EML4: variants seen among roughly 807,000 people sequenced by gnomAD.
EML4 encodes the protein EMAP like 4, also known as echinoderm microtubule-associated protein-like 4.
A neutral mutation model predicts 129.0 loss-of-function variants in EML4; 72 were observed. That is an observed-to-expected ratio of 0.56 (90% CI 0.46 to 0.68). The LOEUF (loss-of-function observed/expected upper bound fraction) is 0.68, where lower values mean the gene tolerates loss of function less well. Ranked by LOEUF, EML4 falls within the 30% of genes least tolerant of loss-of-function variation. The pLI is 0.00. For missense variants in EML4, 1,363 were observed against 1,190.6 expected, an observed-to-expected ratio of 1.14 and a Z score of -2.13; for synonymous variants, 532 against 405.0, an observed-to-expected ratio of 1.31 and a Z score of -3.77.
Position 42,295,459 on chromosome 2 carries a change from G to A in EML4, c.1432G>A (p.Val478Ile), listed in dbSNP as rs775762337. 6.8e-6 allele frequency: 11 copies of A among 1,613,880 alleles called. No homozygotes were observed. The highest frequency in any genetic ancestry group is 9.3e-6 in the Non-Finnish European group (11 of 1,179,898). ...TGTTCTTACTGGAGACTCAGGTGGA[G>A]TCATGCTTATATGGAGCAAAACTAC... ...GDVLTGDSGG[V>I]MLIWSKTTVE... The change falls in exon 13 of 23, where the codon GTC (valine) becomes ATC (isoleucine). Residue 478 changes from valine to isoleucine, a missense_variant. Coordinates refer to ENST00000318522, the MANE Select transcript of EML4 (RefSeq NM_019063.5).
At chr2:42,176,904 C>T (rs1310725058) in intron 1 of EML4, among the ~76,000 whole-genome samples, 1 of 152,136 alleles carries the variant, frequency 6.6e-6, no homozygotes, top group Non-Finnish European at 1.5e-5. Flanking sequence ...AGGAATTCTC[C>T]TGCCTCAGCC....
At chr2:42,187,256 C>G (rs1222196888) in intron 1 of EML4, among the ~76,000 whole-genome samples, 1 of 151,788 alleles carries the variant, frequency 6.6e-6, no homozygotes, top group African/African-American at 2.4e-5. Flanking sequence ...GCCATGTTGC[C>G]CAGGCTGGTC....
At chr2:42,179,529 C>A (rs1323569058) in intron 1 of EML4, among the ~76,000 whole-genome samples, 1 of 151,814 alleles carries the variant, frequency 6.6e-6, no homozygotes, top group East Asian at 1.9e-4. Flanking sequence ...AAATACATAC[C>A]CAAGTTTTTA....
In EML4 at chr2:42,331,912, TCTTTC is replaced by T. The variant is rs1464146147; in HGVS notation, c.*1710_*1714del. The T allele has an allele frequency of 6.6e-6, 1 of 152,130 alleles. No individual in the cohort carries two copies. The highest frequency in any genetic ancestry group is 4.0e-5 in the African/African-American group (1 of 25,136). The allele number at this position is 152,130 out of a possible 1,614,324, so 9.4% of individuals were successfully genotyped here. The stretch of plus-strand genomic sequence containing the variant: ...CTCTATGTGTATAGGTATCTGTATA[TCTTTC>T]CTTTTGTTTACAACTGTTAAAAAAC... On this transcript the variant is annotated 3_prime_UTR_variant, in exon 23 of 23. Coordinates refer to ENST00000318522, the MANE Select transcript of EML4 (RefSeq NM_019063.5).
chr2:42,214,547 T>TA (rs939550117), intron 1 of EML4, among the ~76,000 whole-genome samples: 4 of 152,124 alleles, frequency 2.6e-5, no homozygotes, highest in African/African-American at 7.2e-5. Flanking sequence ...CTATTCTGGT[T>TA]AAAAAAACAA....
At chr2:42,291,944 C>G (rs966483778) in intron 11 of EML4, among the ~76,000 whole-genome samples, 1 of 152,188 alleles carries the variant, frequency 6.6e-6, no homozygotes, top group Non-Finnish European at 1.5e-5. Context: ...TGCAATACCA[C>G]TATGCACCTA....
chr2:42,297,374 A>G (rs1668018963), intron 13 of EML4, among the ~76,000 whole-genome samples: 1 of 152,142 alleles, frequency 6.6e-6, no homozygotes, highest in South Asian at 2.1e-4. Context: ...TAGCCTTAAT[A>G]TTTGTGTTCA....
At chr2:42,201,396 A>G (rs1028470754) in intron 1 of EML4, among the ~76,000 whole-genome samples, 2 of 152,258 alleles carry the variant, frequency 1.3e-5, no homozygotes, top group Non-Finnish European at 2.9e-5. Flanking sequence ...GGCTTAATGT[A>G]TGCAGATTTT....
At chr2:42,316,952 T>C (rs1669275965) in intron 18 of EML4, among the ~76,000 whole-genome samples, 1 of 152,250 alleles carries the variant, frequency 6.6e-6, no homozygotes. Context: ...CAAATATAGC[T>C]GTCGAATTCC....
rs537947440 is a variant in EML4 at position 42,237,382 on chromosome 2, C to CT, written c.26-8117dup. Among the ~76,000 whole-genome samples the CT allele has an allele frequency of 5.3e-5, 8 of 152,058 alleles. No homozygotes were observed. In the South Asian group the frequency reaches 1.7e-3, roughly 32 times the overall value. ...CAGTATTTTATGGTTTTTTTGGTGTCTTTTTTGGACCTTCCTGTTTGTAGG... is the reference window on the plus strand; with the variant it reads ...CAGTATTTTATGGTTTTTTTGGTGTCTTTTTTTGGACCTTCCTGTTTGTAGG... On this transcript the variant is annotated intron_variant, in intron 1 of 22. Coordinates refer to ENST00000318522, the MANE Select transcript of EML4 (RefSeq NM_019063.5).
rs761600075 is a variant in EML4, at chr2:42,256,609, C to T, written c.317C>T (p.Thr106Ile). The T allele has an allele frequency of 1.9e-6, 3 of 1,613,520 alleles. No homozygotes were observed. Among genetic ancestry groups the T allele is most frequent in the Admixed American group, 3.3e-5 (2 of 59,924 alleles). The change falls in exon 3 of 23, where the codon ACT becomes ATT. Residue 106 changes from threonine (T) to isoleucine (I), a missense_variant. Physicochemically the swap from Thr to Ile is moderately conservative, Grantham distance 89 (BLOSUM62 -1). Coordinates refer to ENST00000318522, the MANE Select transcript of EML4 (RefSeq NM_019063.5). The stretch of plus-strand genomic sequence containing the variant: ...GCTGTCTCAATTGCAGGAAAAGAAA[C>T]TCTTTCATCTGCTGCTAAAAGGTAC... ...TSAVSIAGKE[T>I]LSSAAKSGTE... is the part of the protein sequence containing the mutation.
intron 17 of EML4, among the ~76,000 whole-genome samples, chr2:42,310,576 C>A (rs879259980): frequency 6.6e-5 from 10 of 152,190 alleles, no homozygotes; most frequent in African/African-American, 2.2e-4. Flanking sequence ...GAACTCCTGA[C>A]CTCAAGTGAT....
intron 1 of EML4, 65 bp downstream of exon 1, chr2:42,169,701 A>T (rs1670142524): frequency 6.4e-7 from 1 of 1,557,140 alleles, no homozygotes; most frequent in Non-Finnish European, 8.7e-7. Flanking sequence ...TTCCGCACAC[A>T]GCCCAGGCCC....
At chr2:42,209,369 T>C (rs1672746453) in intron 1 of EML4, among the ~76,000 whole-genome samples, 1 of 152,168 alleles carries the variant, frequency 6.6e-6, no homozygotes, top group South Asian at 2.1e-4. Flanking sequence ...TGTGAAGGGC[T>C]TTTTCAGTTT....
rs376838322 is a variant in EML4 at position 42,263,239 on chromosome 2, C to T, written c.574C>T (p.Arg192Cys). 60 of 1,612,636 alleles carry T rather than the reference C, an allele frequency of 3.7e-5. No homozygotes were observed. Among genetic ancestry groups the T allele is most frequent in the South Asian group, 7.7e-5 (7 of 90,898 alleles). Residue 192 changes from arginine to cysteine, a missense_variant, in exon 5 of 23, where the codon CGT (arginine) becomes TGT (cysteine). Arg to Cys is a radical substitution (Grantham distance 180). Coordinates refer to ENST00000318522, the MANE Select transcript of EML4 (RefSeq NM_019063.5). ...HNSWENSDDS[R>C]NKLSKIPSTP... Reference sequence around the variant, plus strand: ...TTCTTGGGAAAATTCAGATGATAGCCGTAATAAATTGTCGAAAATACCTTC... The same window carrying T: ...TTCTTGGGAAAATTCAGATGATAGCTGTAATAAATTGTCGAAAATACCTTC...
chr2:42,211,597 T>G (rs1672888981), intron 1 of EML4, among the ~76,000 whole-genome samples: 1 of 152,212 alleles, frequency 6.6e-6, no homozygotes, highest in Non-Finnish European at 1.5e-5. Context: ...ACTTGGATGT[T>G]TTAAACCTGC....
intron 6 of EML4, among the ~76,000 whole-genome samples, chr2:42,277,818 C>T (rs1443166599): frequency 6.6e-6 from 1 of 152,192 alleles, no homozygotes; most frequent in Admixed American, 6.5e-5. Flanking sequence ...CTGTCTGCCT[C>T]GGCCTCCCAA....
intron 3 of EML4, among the ~76,000 whole-genome samples, chr2:42,259,794 A>T (rs1325478078): frequency 7.1e-6 from 1 of 140,238 alleles, no homozygotes; most frequent in East Asian, 2.1e-4. Flanking sequence ...CAGTGGCGCA[A>T]TCTCGGCTCA....
chr2:42,293,876 T>A (rs941803851), intron 11 of EML4, among the ~76,000 whole-genome samples: 1 of 152,240 alleles, frequency 6.6e-6, no homozygotes, highest in Non-Finnish European at 1.5e-5. Flanking sequence ...CCCAAAATGT[T>A]GGGATTACAG....
Sources: allele counts gnomAD v4.1 joint callset (sites outside exome capture counted in the v4.1 genomes callset), GRCh38; gene constraint gnomAD v4.1.1; transcripts MANE v1.5; gene names NCBI Gene and HGNC (gene_info 2026-07-23, HGNC 2026-07-21).